Variants in ABLIM3 observed in about 807,000 individuals in gnomAD.
ABLIM3 encodes actin binding LIM protein family member 3, also known as actin-binding LIM protein 3.
A neutral mutation model predicts 109.5 loss-of-function variants in ABLIM3; 61 were observed. The observed-to-expected ratio is 0.56, with a 90% CI of 0.45 to 0.69. The LOEUF is 0.69. Among genes scored for constraint, ABLIM3 ranks in the 30% least tolerant of loss-of-function variants. ABLIM3 has a pLI of 0.00. For synonymous variants in ABLIM3, 300 were observed against 324.8 expected (o/e 0.92, Z 0.82); for missense variants, 796 against 889.5 (o/e 0.89, Z 1.34).
At chr5:149,204,016 C>T (rs1210924997) in intron 5 of ABLIM3, among the ~76,000 whole-genome samples, 3 of 152,152 alleles carry the variant, frequency 2.0e-5, no homozygotes, top group Admixed American at 2.0e-4. Flanking sequence ...ACACTCTGTA[C>T]CAGAGACATG....
intron 23 of ABLIM3, among the ~76,000 whole-genome samples, chr5:149,255,405 G>A (rs1256455910): frequency 6.6e-6 from 1 of 152,200 alleles, no homozygotes; most frequent in African/African-American, 2.4e-5. Context: ...GACATAAGAT[G>A]TGTCTCCTTT....
intron 2 of ABLIM3, among the ~76,000 whole-genome samples, chr5:149,158,578 A>T (rs191888425): frequency 1.3e-3 from 204 of 152,342 alleles, no homozygotes; most frequent in African/African-American, 4.6e-3. Flanking sequence ...AAAATAAAAT[A>T]AAAATAAGAA....
chr5:149,242,043 C>A (rs1752904046), intron 14 of ABLIM3, among the ~76,000 whole-genome samples: 1 of 152,204 alleles, frequency 6.6e-6, no homozygotes, highest in Non-Finnish European at 1.5e-5. Context: ...CCTTCCTCAG[C>A]TGCCCTAGAG....
Position 149,207,120 on chromosome 5 carries a change from G to A in ABLIM3, c.561G>A (p.Gly187=), listed in dbSNP as rs763649524. 5 of 1,613,712 alleles carry A rather than the reference G, an allele frequency of 3.1e-6. No individual in the cohort carries two copies. The highest frequency in any genetic ancestry group is 1.7e-5 in the Admixed American group (1 of 59,976). ...AGACCTGCAGCGTCATCCTCACCGG[G>A]GAGTATATCAGCAAGTGGGTCCCCC... ...KCQTCSVILT[G]EYISKDGVPY... The change falls in exon 6 of 24, where the codon GGG becomes GGA. Residue 187 remains glycine, a synonymous_variant. Transcript: ENST00000309868.
chr5:149,162,365 A>G (rs1284980383), intron 2 of ABLIM3, among the ~76,000 whole-genome samples: 3 of 152,150 alleles, frequency 2.0e-5, no homozygotes, highest in African/African-American at 7.2e-5. Context: ...CTCATATACA[A>G]TTGTCTTAAT....
chr5:149,223,951 G>A (rs1420275846), intron 8 of ABLIM3, among the ~76,000 whole-genome samples: 3 of 152,224 alleles, frequency 2.0e-5, no homozygotes, highest in African/African-American at 7.2e-5. Context: ...GGTTCTGCCA[G>A]TCTGAGCTCA....
chr5:149,177,648 T>C (rs1247147818), intron 2 of ABLIM3, among the ~76,000 whole-genome samples: 2 of 152,224 alleles, frequency 1.3e-5, no homozygotes, highest in Non-Finnish European at 2.9e-5. Flanking sequence ...AAGGAGTTTT[T>C]TTCTTGGCAG....
chr5:149,151,679 A>AT (rs1753446666), intron 2 of ABLIM3, among the ~76,000 whole-genome samples: 1 of 152,254 alleles, frequency 6.6e-6, no homozygotes, highest in African/African-American at 2.4e-5. Flanking sequence ...GGAAGACCCC[A>AT]GTAATTTAGT....
At chr5:149,257,466 A>C (rs1754537913) in intron 23 of ABLIM3, among the ~76,000 whole-genome samples, 1 of 152,250 alleles carries the variant, frequency 6.6e-6, no homozygotes, top group African/African-American at 2.4e-5. Context: ...TATATGCCAT[A>C]TATTTCTCTT....
intron 8 of ABLIM3, among the ~76,000 whole-genome samples, chr5:149,224,914 C>A (rs1286585547): frequency 6.6e-6 from 1 of 152,158 alleles, no homozygotes. Flanking sequence ...AGGATTGGAA[C>A]CCCTTAAGAA....
intron 2 of ABLIM3, among the ~76,000 whole-genome samples, chr5:149,159,690 A>G (rs552429683): frequency 2.0e-5 from 3 of 152,286 alleles, no homozygotes; most frequent in Non-Finnish European, 4.4e-5. Flanking sequence ...GCTCCATCCT[A>G]TCAGCCTTGC....
intron 2 of ABLIM3, among the ~76,000 whole-genome samples, chr5:149,160,119 T>C (rs562603871): frequency 6.6e-6 from 1 of 152,196 alleles, no homozygotes; most frequent in Non-Finnish European, 1.5e-5. Flanking sequence ...CAAACAAGAC[T>C]GTTTTATTCA....
intron 11 of ABLIM3, among the ~76,000 whole-genome samples, chr5:149,238,221 G>A (rs1204559308): frequency 6.6e-6 from 1 of 152,108 alleles, no homozygotes; most frequent in African/African-American, 2.4e-5. Flanking sequence ...GCAGGGTTGG[G>A]GGCAGAATTA....
chr5:149,250,610 T>C, intron 20 of ABLIM3, 105 bp downstream of exon 20: 1 of 1,339,032 alleles, frequency 7.5e-7, no homozygotes, highest in South Asian at 1.2e-5. Flanking sequence ...GTCCTGGGGC[T>C]AGTGGTGGGT....
chr5:149,222,697 T>A (rs1760783727), intron 8 of ABLIM3, among the ~76,000 whole-genome samples: 1 of 141,032 alleles, frequency 7.1e-6, no homozygotes, highest in African/African-American at 2.7e-5. Context: ...GCTCAGAGGA[T>A]ACAAGGTCCT....
chr5:149,168,088 A>G (rs1405573854), intron 2 of ABLIM3, among the ~76,000 whole-genome samples: 1 of 152,176 alleles, frequency 6.6e-6, no homozygotes, highest in Non-Finnish European at 1.5e-5. Context: ...GTGACAACCA[A>G]AAATGTCTTC....
chr5:149,146,549 C>A (rs1486218823), intron 2 of ABLIM3, among the ~76,000 whole-genome samples: 1 of 152,194 alleles, frequency 6.6e-6, no homozygotes, highest in Non-Finnish European at 1.5e-5. Context: ...CCAACTGTCC[C>A]AGCACCATTT....
intron 23 of ABLIM3, among the ~76,000 whole-genome samples, chr5:149,255,543 GT>G (rs1754352832): frequency 6.6e-6 from 1 of 152,222 alleles, no homozygotes; most frequent in Admixed American, 6.5e-5. Flanking sequence ...GTGAGTTGCA[GT>G]TTTAAATAGC....
At chr5:149,233,417 T>C (rs1762056625) in intron 10 of ABLIM3, 117 bp downstream of exon 10, 1 of 1,044,318 alleles carries the variant, frequency 9.6e-7, no homozygotes, top group South Asian at 1.3e-5. Context: ...TGATGCATGC[T>C]CTTCATGTGC....
Sources: gnomAD v4.1 joint callset for allele counts (sites outside exome capture counted in the v4.1 genomes callset) on GRCh38, gnomAD v4.1.1 for gene constraint, MANE v1.5 for transcripts, NCBI Gene and HGNC (gene_info 2026-07-23, HGNC 2026-07-21) for gene names.